Variants in METTL15 observed in about 807,000 individuals in gnomAD.
The protein encoded by METTL15 is methyltransferase 15, mitochondrial 12S rRNA N4-cytidine.
A neutral mutation model predicts 38.3 loss-of-function variants in METTL15; 34 were observed. The observed-to-expected ratio is 0.89, with a 90% CI of 0.68 to 1.18. The LOEUF (loss-of-function observed/expected upper bound fraction) is 1.18, where lower values mean the gene tolerates loss of function less well. METTL15 is among the 50% of genes most tolerant of loss of function. The pLI, the probability that METTL15 is intolerant of heterozygous loss-of-function variation, is 0.00. For missense variants in METTL15, 438 were observed against 498.4 expected, an observed-to-expected ratio of 0.88 and a Z score of 1.15; for synonymous variants, 162 against 170.9, an observed-to-expected ratio of 0.95 and a Z score of 0.41.
At chr11:28,489,014 C>T (rs778461319) in intron 6 of METTL15, among the ~76,000 whole-genome samples, 1 of 152,134 alleles carries the variant, frequency 6.6e-6, no homozygotes, top group Non-Finnish European at 1.5e-5. Context: ...CCACAGTAAA[C>T]ATTGCTAATC....
chr11:28,439,023 C>A (rs1318630539), intron 6 of METTL15, among the ~76,000 whole-genome samples: 6 of 149,676 alleles, frequency 4.0e-5, no homozygotes, highest in Non-Finnish European at 1.5e-5. Context: ...GTGAAGAATG[C>A]AAAAAAAAAA....
chr11:28,184,425 T>G (rs969866234), intron 3 of METTL15, among the ~76,000 whole-genome samples: 3 of 151,754 alleles, frequency 2.0e-5, no homozygotes, highest in African/African-American at 7.3e-5. Context: ...CTACACACTG[T>G]TTTAAATGTG....
intron 6 of METTL15, among the ~76,000 whole-genome samples, chr11:28,465,651 C>T (rs1289854865): frequency 6.6e-6 from 1 of 152,116 alleles, no homozygotes; most frequent in Non-Finnish European, 1.5e-5. Flanking sequence ...TTGCCTGTAT[C>T]CCCCAGCCCC....
chr11:28,488,372 CTG>C (rs1172324132), intron 6 of METTL15, among the ~76,000 whole-genome samples: 1 of 152,054 alleles, frequency 6.6e-6, no homozygotes, highest in African/African-American at 2.4e-5. Flanking sequence ...AAAACCATTT[CTG>C]TGTTTCTAAA....
At position 28,113,533 on chromosome 11, in the gene METTL15, A is replaced by G. The variant is rs141648004; in HGVS notation, c.199A>G (p.Thr67Ala). Residue 67 changes from threonine to alanine, a missense_variant, in exon 3 of 7, where the codon ACT becomes GCT. By Grantham distance (58) the Thr-to-Ala change is moderately conservative. Coordinates refer to ENST00000407364, the MANE Select transcript of METTL15 (RefSeq NM_001113528.2). ...LHRSQDRDFETMAKLHIPVMV... is the reference protein window; with the variant it reads ...LHRSQDRDFEAMAKLHIPVMV... ...CAGATCTCAAGATAGAGATTTTGAA[A>G]CTATGGCTAAATTACATATTCCAGT... 1,390 of 1,613,788 alleles carry G rather than the reference A, an allele frequency of 8.6e-4. 25 individuals are homozygous for G. In the East Asian group the frequency reaches 0.021, roughly 25 times the overall value.
chr11:28,272,860 C>A (rs974988964), intron 4 of METTL15, among the ~76,000 whole-genome samples: 2 of 152,104 alleles, frequency 1.3e-5, no homozygotes, highest in Admixed American at 1.3e-4. Context: ...ATTTACTTTA[C>A]CTGAGTTTAA....
intron 6 of METTL15, among the ~76,000 whole-genome samples, chr11:28,432,726 C>T (rs1363328376): frequency 6.6e-6 from 1 of 152,166 alleles, no homozygotes; most frequent in Non-Finnish European, 1.5e-5. Context: ...AAAGGTATGG[C>T]AGAGTGAGTA....
At chr11:28,356,856 A>T (rs1422805878) in intron 4 of METTL15, among the ~76,000 whole-genome samples, 4 of 152,196 alleles carry the variant, frequency 2.6e-5, no homozygotes, top group Non-Finnish European at 5.9e-5. Flanking sequence ...TCGGAGACCC[A>T]TATGGCATCC....
chr11:28,389,639 C>T (rs1850480819), intron 5 of METTL15, among the ~76,000 whole-genome samples: 1 of 151,778 alleles, frequency 6.6e-6, no homozygotes, highest in Non-Finnish European at 1.5e-5. Context: ...CATTGTTGGG[C>T]ATTTGGGTTG....
chr11:28,450,448 C>T (rs1851110777), intron 6 of METTL15, among the ~76,000 whole-genome samples: 1 of 152,190 alleles, frequency 6.6e-6, no homozygotes, highest in Admixed American at 6.5e-5. Context: ...ACTAATCTCA[C>T]AGGACTTTTG....
chr11:28,171,824 C>T (rs982757677), intron 3 of METTL15, among the ~76,000 whole-genome samples: 1 of 151,302 alleles, frequency 6.6e-6, no homozygotes, highest in African/African-American at 2.4e-5. Flanking sequence ...CAGGGTATTC[C>T]TCTATCACCC....
chr11:28,530,490 C>T (rs539236001), downstream of METTL15, among the ~76,000 whole-genome samples: 4 of 152,180 alleles, frequency 2.6e-5, no homozygotes, highest in African/African-American at 9.6e-5. Flanking sequence ...TTATGGGCAG[C>T]GGTGTGCTGA....
intron 5 of METTL15, among the ~76,000 whole-genome samples, chr11:28,388,548 A>G (rs1438426338): frequency 6.6e-6 from 1 of 152,196 alleles, no homozygotes; most frequent in Non-Finnish European, 1.5e-5. Flanking sequence ...TGCTGAAAGC[A>G]ATACTAAAAG....
At chr11:28,486,466 G>A (rs1462810384) in intron 6 of METTL15, among the ~76,000 whole-genome samples, 1 of 152,038 alleles carries the variant, frequency 6.6e-6, no homozygotes, top group Admixed American at 6.6e-5. Flanking sequence ...GAAATTGGCA[G>A]GCCCTGGAGA....
At chr11:28,191,165 A>G (rs994229103) in intron 3 of METTL15, among the ~76,000 whole-genome samples, 2 of 151,452 alleles carry the variant, frequency 1.3e-5, no homozygotes, top group Non-Finnish European at 3.0e-5. Context: ...GAATTTCAAT[A>G]TTGATTACAA....
intron 6 of METTL15, among the ~76,000 whole-genome samples, chr11:28,439,023 C>CA (rs10713896): frequency 0.4 from 60,011 of 149,494 alleles, 13,623 homozygotes; most frequent in Admixed American, 0.52. Flanking sequence ...GTGAAGAATG[C>CA]AAAAAAAAAA....
chr11:28,408,053 G>A (rs1028631174), intron 5 of METTL15, among the ~76,000 whole-genome samples: 6 of 152,092 alleles, frequency 3.9e-5, no homozygotes, highest in Admixed American at 2.0e-4. Flanking sequence ...AACTAATTCA[G>A]GAACAGAACA....
intron 4 of METTL15, among the ~76,000 whole-genome samples, chr11:28,235,918 A>T (rs961170525): frequency 3.3e-5 from 5 of 151,898 alleles, no homozygotes; most frequent in African/African-American, 1.2e-4. Context: ...GTTTTTGCCC[A>T]TTCAGTATGA....
At chr11:28,492,259 GT>G (rs1034314615) in intron 6 of METTL15, among the ~76,000 whole-genome samples, 2 of 152,152 alleles carry the variant, frequency 1.3e-5, no homozygotes, top group Non-Finnish European at 2.9e-5. Context: ...AAGTGAAGCA[GT>G]TTGTGGTGTC....
Sources: gnomAD v4.1 joint callset for allele counts (sites outside exome capture counted in the v4.1 genomes callset) on GRCh38, gnomAD v4.1.1 for gene constraint, MANE v1.5 for transcripts, NCBI Gene and HGNC (gene_info 2026-07-23, HGNC 2026-07-21) for gene names.